The following LINGO2 variants were observed in gnomAD, a reference collection of about 807,000 sequenced individuals.
The protein encoded by LINGO2 is leucine rich repeat and Ig domain containing 2.
A neutral mutation model predicts 30.6 loss-of-function variants in LINGO2; 14 were observed. The observed-to-expected ratio is 0.46, with a 90% CI of 0.30 to 0.72. LINGO2 has a LOEUF of 0.72. Among genes scored for constraint, LINGO2 ranks in the 30% least tolerant of loss-of-function variants. The probability of loss-of-function intolerance (pLI) is 0.07; values close to 1 mark genes in which losing one functional copy is unlikely to be tolerated. For synonymous variants in LINGO2, 317 were observed against 288.5 expected, an observed-to-expected ratio of 1.10 and a Z score of -1.00; for missense variants, 729 against 751.7, an observed-to-expected ratio of 0.97 and a Z score of 0.35.
chr9:28,408,919 G>A (rs896885857), intron 2 of LINGO2, among the ~76,000 whole-genome samples: 35 of 151,980 alleles, frequency 2.3e-4, no homozygotes, highest in Non-Finnish European at 4.3e-4. Flanking sequence ...AGTGGTTTAT[G>A]AACTTCTAGC....
the LINGO2 span, among the ~76,000 whole-genome samples, chr9:29,135,815 C>G: frequency 6.6e-6 from 1 of 152,098 alleles, no homozygotes; most frequent in Non-Finnish European, 1.5e-5. Context: ...CACCATTCTG[C>G]TTTCTGTTTC....
chr9:28,845,573 G>T, the LINGO2 span, among the ~76,000 whole-genome samples: 1 of 151,768 alleles, frequency 6.6e-6, no homozygotes, highest in Non-Finnish European at 1.5e-5. Flanking sequence ...GCAGTGTGGG[G>T]AAGTGAAGAG....
chr9:28,697,562 G>A, the LINGO2 span, among the ~76,000 whole-genome samples: 1 of 151,528 alleles, frequency 6.6e-6, no homozygotes, highest in South Asian at 2.1e-4. Context: ...CTAAAAGTCT[G>A]GGTCTTTGTA....
At chr9:28,465,996 C>A (rs1326995610) in intron 2 of LINGO2, among the ~76,000 whole-genome samples, 1 of 152,042 alleles carries the variant, frequency 6.6e-6, no homozygotes, top group African/African-American at 2.4e-5. Flanking sequence ...AAGGGAACCA[C>A]TGTGCACTGT....
chr9:28,843,894 CTT>C, the LINGO2 span, among the ~76,000 whole-genome samples: 1 of 151,812 alleles, frequency 6.6e-6, no homozygotes, highest in Admixed American at 6.6e-5. Flanking sequence ...ATTGGCTCTA[CTT>C]CTTACAGACT....
intron 1 of LINGO2, among the ~76,000 whole-genome samples, chr9:28,498,154 G>A (rs144593841): frequency 0.036 from 5,502 of 152,190 alleles, 153 homozygotes; most frequent in East Asian, 0.11. Flanking sequence ...CTCAAACTCC[G>A]TGCTGGGAGA....
At chr9:29,099,174 C>A in the LINGO2 span, among the ~76,000 whole-genome samples, 2 of 152,142 alleles carry the variant, frequency 1.3e-5, no homozygotes, top group African/African-American at 2.4e-5. Flanking sequence ...AACTAAATAT[C>A]CTTATGCAGA....
At chr9:28,165,644 A>G (rs1282021262) in intron 4 of LINGO2, among the ~76,000 whole-genome samples, 1 of 152,164 alleles carries the variant, frequency 6.6e-6, no homozygotes, top group African/African-American at 2.4e-5. Context: ...TTTCGTCATA[A>G]TTGTTTTCCC....
chr9:28,330,722 A>G (rs1196545991), intron 3 of LINGO2, among the ~76,000 whole-genome samples: 1 of 152,158 alleles, frequency 6.6e-6, no homozygotes, highest in African/African-American at 2.4e-5. Context: ...GCTGAGCCCC[A>G]ACTTCATGCC....
intron 4 of LINGO2, among the ~76,000 whole-genome samples, chr9:28,268,828 T>C (rs1433821013): frequency 3.3e-5 from 5 of 152,106 alleles, no homozygotes; most frequent in African/African-American, 4.8e-5. Flanking sequence ...GAAAAGCAAT[T>C]AGTAGATTAC....
chr9:28,923,328 A>G, the LINGO2 span, among the ~76,000 whole-genome samples: 1 of 152,166 alleles, frequency 6.6e-6, no homozygotes, highest in African/African-American at 2.4e-5. Flanking sequence ...AATTTTCAGA[A>G]TCTCACGAGT....
chr9:28,439,620 ATCC>A (rs1824107088), intron 2 of LINGO2, among the ~76,000 whole-genome samples: 1 of 151,768 alleles, frequency 6.6e-6, no homozygotes, highest in African/African-American at 2.4e-5. Flanking sequence ...TCACTCTCTC[ATCC>A]TCCTGCTCCA....
chr9:28,797,975 A>T, the LINGO2 span, among the ~76,000 whole-genome samples: 1 of 152,074 alleles, frequency 6.6e-6, no homozygotes, highest in Non-Finnish European at 1.5e-5. Flanking sequence ...ATGAAGAGAG[A>T]TTGAGGGAAC....
intron 4 of LINGO2, among the ~76,000 whole-genome samples, chr9:28,200,279 T>C (rs1420990735): frequency 2.0e-5 from 3 of 152,216 alleles, no homozygotes; most frequent in Non-Finnish European, 4.4e-5. Context: ...TGTTGGTGTC[T>C]AGGTCTGATT....
the LINGO2 span, among the ~76,000 whole-genome samples, chr9:29,121,953 T>C: frequency 2.6e-5 from 4 of 152,124 alleles, no homozygotes; most frequent in African/African-American, 7.2e-5. Flanking sequence ...CAGGTAAGTT[T>C]ATGCATATTA....
intron 3 of LINGO2, among the ~76,000 whole-genome samples, chr9:28,306,478 A>G (rs1381650053): frequency 1.3e-5 from 2 of 152,188 alleles, no homozygotes; most frequent in African/African-American, 4.8e-5. Context: ...AGAAAGCAGG[A>G]AAGATCCAAA....
At chr9:28,960,221 T>C in the LINGO2 span, among the ~76,000 whole-genome samples, 2 of 152,100 alleles carry the variant, frequency 1.3e-5, no homozygotes, top group Non-Finnish European at 2.9e-5. Flanking sequence ...TAAGAAAAGA[T>C]AGCAAATAAT....
chr9:29,050,077 G>A, the LINGO2 span, among the ~76,000 whole-genome samples: 4 of 151,666 alleles, frequency 2.6e-5, no homozygotes, highest in African/African-American at 7.3e-5. Context: ...CCAGGCTTGA[G>A]TGCAGTGGTA....
intron 1 of LINGO2, among the ~76,000 whole-genome samples, chr9:28,504,653 T>A (rs1820031413): frequency 6.6e-6 from 1 of 151,528 alleles, no homozygotes; most frequent in Non-Finnish European, 1.5e-5. Context: ...ATATAAATAT[T>A]TTTATATATG....
Sources: allele counts gnomAD v4.1 joint callset (sites outside exome capture counted in the v4.1 genomes callset), GRCh38; gene constraint gnomAD v4.1.1; transcripts MANE v1.5; gene names NCBI Gene and HGNC (gene_info 2026-07-23, HGNC 2026-07-21).